Variants in RIMS2 observed in about 807,000 individuals in gnomAD.
RIMS2 encodes the protein regulating synaptic membrane exocytosis protein 2.
A neutral mutation model predicts 174.4 loss-of-function variants in RIMS2; 59 were observed. The ratio of observed to expected loss-of-function variants is 0.34; its 90% confidence interval spans 0.27 to 0.42. The LOEUF (loss-of-function observed/expected upper bound fraction) is 0.42, where lower values mean the gene tolerates loss of function less well. Ranked by LOEUF, RIMS2 falls within the 10% of genes least tolerant of loss-of-function variation. RIMS2 has a pLI of 1.00. For synonymous variants in RIMS2, 606 were observed against 572.5 expected (o/e 1.06, Z -0.84); for missense variants, 1,620 against 1,666.3 (o/e 0.97, Z 0.48).
At chr8:104,215,964 C>T (rs1159711291) in intron 19 of RIMS2, among the ~76,000 whole-genome samples, 1 of 152,158 alleles carries the variant, frequency 6.6e-6, no homozygotes, top group African/African-American at 2.4e-5. Flanking sequence ...CTATTTTCTG[C>T]CTACCAAACA....
intron 2 of RIMS2, among the ~76,000 whole-genome samples, chr8:103,742,975 C>G (rs941648174): frequency 2.6e-5 from 4 of 152,156 alleles, no homozygotes; most frequent in African/African-American, 4.8e-5. Context: ...GTACCATGAA[C>G]AGGCTTTTTA....
rs568032762 is a variant in RIMS2, at chr8:103,810,593, A to G, written c.698+44056A>G. Among the ~76,000 whole-genome samples the G allele has an allele frequency of 5.9e-5, 9 of 152,296 alleles. 1 individual carries two copies. In the East Asian group the frequency reaches 1.7e-3, roughly 29 times the overall value. On this transcript the variant is annotated intron_variant, in intron 3 of 23. Transcript: ENST00000504942. ...GTATTGAACCTAATGTCCTTTAAAA[A>G]TTTTTATTGTAAATATTTAAGGTCT... is the stretch of plus-strand genomic sequence containing the variant.
intron 4 of RIMS2, among the ~76,000 whole-genome samples, chr8:103,900,381 G>A (rs905942175): frequency 3.4e-5 from 5 of 148,816 alleles, no homozygotes; most frequent in East Asian, 1.9e-4. Flanking sequence ...CCACCACCAC[G>A]CCCAGCTAAT....
chr8:104,203,676 G>T (rs1020112082), intron 19 of RIMS2, among the ~76,000 whole-genome samples: 6 of 151,698 alleles, frequency 4.0e-5, no homozygotes, highest in Admixed American at 3.9e-4. Flanking sequence ...GCTAATTTTT[G>T]TAATTTTAGT....
chr8:103,792,012 C>G (rs148067135), intron 3 of RIMS2, among the ~76,000 whole-genome samples: 9 of 151,416 alleles, frequency 5.9e-5, no homozygotes, highest in Non-Finnish European at 3.0e-5. Context: ...GACAGATCAA[C>G]GAGACAGGAA....
rs144284050 is a variant in RIMS2 at position 104,183,600 on chromosome 8, CTT to C, written c.3335-61310_3335-61309del. ...GCATTATTTTGAAAATAAACTTTGACTTTTTTTAGAGAGAAAAATCTGAGTTA... is the reference window on the plus strand; with the variant it reads ...GCATTATTTTGAAAATAAACTTTGACTTTTTAGAGAGAAAAATCTGAGTTA... On this transcript the variant is annotated intron_variant, in intron 19 of 23. Transcript: ENST00000504942. 1.8e-3 allele frequency among the ~76,000 whole-genome samples: 280 copies of C among 151,416 alleles called. 1 individual carries two copies. In the East Asian group the frequency reaches 0.02, roughly 11 times the overall value.
At chr8:103,883,555 A>C (rs924341125) in intron 3 of RIMS2, among the ~76,000 whole-genome samples, 1 of 151,896 alleles carries the variant, frequency 6.6e-6, no homozygotes, top group African/African-American at 2.4e-5. Context: ...AAAGATTTGT[A>C]ATTAAGTCCT....
chr8:104,129,341 T>C (rs1272665377), intron 19 of RIMS2, among the ~76,000 whole-genome samples: 13 of 152,080 alleles, frequency 8.5e-5, no homozygotes, highest in Admixed American at 8.5e-4. Flanking sequence ...GCCCTAGTAA[T>C]ACAACTACAC....
chr8:103,983,912 G>T (rs1317490508), intron 16 of RIMS2, among the ~76,000 whole-genome samples: 2 of 152,074 alleles, frequency 1.3e-5, no homozygotes, highest in African/African-American at 4.8e-5. Flanking sequence ...AGTGGCTCGC[G>T]CCTGTAATCC....
intron 19 of RIMS2, among the ~76,000 whole-genome samples, chr8:104,021,961 T>C (rs1239685031): frequency 6.6e-6 from 1 of 152,196 alleles, no homozygotes; most frequent in Non-Finnish European, 1.5e-5. Flanking sequence ...GGTTCTTATG[T>C]GCTGAGTTAA....
intron 19 of RIMS2, among the ~76,000 whole-genome samples, chr8:104,197,854 G>T (rs76760942): frequency 6.6e-6 from 1 of 151,938 alleles, no homozygotes; most frequent in East Asian, 1.9e-4. Flanking sequence ...CTTGCTAAGG[G>T]TGTCCCTAAG....
chr8:104,098,174 TATA>T (rs1361175518), intron 19 of RIMS2, among the ~76,000 whole-genome samples: 6 of 152,190 alleles, frequency 3.9e-5, no homozygotes, highest in African/African-American at 9.6e-5. Context: ...AATGTTTGAA[TATA>T]ATATTTTTCC....
At chr8:103,500,820 C>A in exon 1 of RIMS2, 2 of 1,066,124 alleles carry the variant, frequency 1.9e-6, no homozygotes, top group Admixed American at 2.8e-5. Context: ...CCAGCCGCCG[C>A]GCCGGTGCCG....
chr8:103,739,522 G>T (rs190870396), intron 2 of RIMS2, among the ~76,000 whole-genome samples: 1 of 152,234 alleles, frequency 6.6e-6, no homozygotes, highest in African/African-American at 2.4e-5. Flanking sequence ...AGAACTTAAA[G>T]TATAATATAA....
At chr8:103,765,064 A>C (rs1239897522) in intron 2 of RIMS2, among the ~76,000 whole-genome samples, 1 of 152,202 alleles carries the variant, frequency 6.6e-6, no homozygotes. Flanking sequence ...TGAAAATGCC[A>C]TGTTGAAACT....
At chr8:103,816,683 T>G (rs1367314930) in intron 3 of RIMS2, among the ~76,000 whole-genome samples, 2 of 152,124 alleles carry the variant, frequency 1.3e-5, no homozygotes, top group Admixed American at 6.5e-5. Context: ...GAAGAGATCA[T>G]TTCTGGGATA....
chr8:103,758,780 A>G (rs1428082580), intron 2 of RIMS2, among the ~76,000 whole-genome samples: 4 of 152,362 alleles, frequency 2.6e-5, no homozygotes, highest in Non-Finnish European at 4.4e-5. Flanking sequence ...AAAAGTTTAG[A>G]TTTATATCAT....
chr8:103,893,929 C>T (rs956495241), intron 4 of RIMS2, among the ~76,000 whole-genome samples: 11 of 152,038 alleles, frequency 7.2e-5, no homozygotes, highest in African/African-American at 2.7e-4. Flanking sequence ...TTTTTATTAA[C>T]TGTGCACACA....
At chr8:103,932,158 C>T (rs2080102621) in intron 12 of RIMS2, among the ~76,000 whole-genome samples, 1 of 152,170 alleles carries the variant, frequency 6.6e-6, no homozygotes, top group South Asian at 2.1e-4. Flanking sequence ...GCATCCCTGC[C>T]TCCCACGGCA....
Sources: gnomAD v4.1 joint callset for allele counts (sites outside exome capture counted in the v4.1 genomes callset) on GRCh38, gnomAD v4.1.1 for gene constraint, MANE v1.5 for transcripts, NCBI Gene and HGNC (gene_info 2026-07-23, HGNC 2026-07-21) for gene names.